The following STPG1 variants were observed in gnomAD, a reference collection of about 807,000 sequenced individuals.
The protein encoded by STPG1 is O(6)-methylguanine-induced apoptosis 2.
Under a neutral mutation model 40.1 loss-of-function variants are expected in STPG1, and 33 were observed. That is an observed-to-expected ratio of 0.82 (90% CI 0.62 to 1.10). The LOEUF (loss-of-function observed/expected upper bound fraction) is 1.10. Ranked by LOEUF, STPG1 falls within the 50% of genes least tolerant of loss-of-function variation. STPG1 has a pLI of 0.00. For synonymous variants in STPG1, 150 were observed against 155.0 expected (o/e 0.97, Z 0.24); for missense variants, 396 against 415.1 (o/e 0.95, Z 0.40).
chr1:24,373,038 T>C (rs982482198), intron 6 of STPG1, among the ~76,000 whole-genome samples: 1 of 152,218 alleles, frequency 6.6e-6, no homozygotes, highest in Non-Finnish European at 1.5e-5. Context: ...AATGGAATGA[T>C]GGAGGACGTG....
intron 7 of STPG1, 59 bp downstream of exon 7, chr1:24,369,615 G>A (rs191031591): frequency 2.6e-6 from 4 of 1,530,594 alleles, no homozygotes; most frequent in Non-Finnish European, 2.7e-6. Context: ...TTTTCTCTAT[G>A]TTGGGCTTCT....
chr1:24,399,916 T>G lies in STPG1; in HGVS notation c.70+1403A>C, dbSNP rs1643153302. Among the ~76,000 whole-genome samples, 1 of 152,208 alleles carries G rather than the reference T, an allele frequency of 6.6e-6. No individual in the cohort carries two copies. Among genetic ancestry groups the G allele is most frequent in the Non-Finnish European group, 1.5e-5 (1 of 68,034 alleles). On this transcript the variant is annotated intron_variant, in intron 2 of 8. Transcript: ENST00000337248. The surrounding 1 kb of genome is among the most constrained non-coding windows in gnomAD (Gnocchi z 4.0). ...TGGAGCAGCTGGAATTCACATACAT[T>G]GCTTGTAAGGAGGTAAAATTGGCAC... is the stretch of plus-strand genomic sequence containing the variant.
At chr1:24,374,756 C>T (rs1342028678) in intron 5 of STPG1, among the ~76,000 whole-genome samples, 1 of 152,030 alleles carries the variant, frequency 6.6e-6, no homozygotes, top group Non-Finnish European at 1.5e-5. Context: ...TCCAGAATAG[C>T]AGGGACTTCA....
chr1:24,366,666 CCT>C (rs1045132366), intron 7 of STPG1, among the ~76,000 whole-genome samples: 4 of 152,152 alleles, frequency 2.6e-5, no homozygotes, highest in Non-Finnish European at 5.9e-5. Flanking sequence ...TTCGTTGTCC[CCT>C]GTGTGCTCTC....
Position 24,357,807 on chromosome 1 carries a change from G to A in STPG1, c.*736C>T, listed in dbSNP as rs1422069607. 2 of 267,998 alleles carry A rather than the reference G, an allele frequency of 7.5e-6. No individual in the cohort carries two copies. Among genetic ancestry groups the A allele is most frequent in the Non-Finnish European group, 1.5e-5 (2 of 135,752 alleles). The allele number at this position is 267,998 out of a possible 1,614,324, so 16.6% of individuals were successfully genotyped here. The stretch of plus-strand genomic sequence containing the variant: ...CTATCAGGCCTAGACAGGCCATGTG[G>A]ACTCCATGGAAGGGCCTGTAAGCCT... On this transcript the variant is annotated 3_prime_UTR_variant, in exon 9 of 9. Coordinates refer to ENST00000337248, the MANE Select transcript of STPG1 (RefSeq NM_001199013.2).
chr1:24,404,697 G>T (rs1643350674), intron 1 of STPG1, among the ~76,000 whole-genome samples: 1 of 152,006 alleles, frequency 6.6e-6, no homozygotes, highest in Non-Finnish European at 1.5e-5. Flanking sequence ...GAAACTTACG[G>T]GCATAAAGTC....
intron 6 of STPG1, among the ~76,000 whole-genome samples, chr1:24,373,303 T>A (rs1431651401): frequency 6.6e-6 from 1 of 152,190 alleles, no homozygotes. Context: ...AAAATGAACG[T>A]GGCAGCTCAG....
chr1:24,410,138 T>G (rs144214208), intron 1 of STPG1, among the ~76,000 whole-genome samples: 1 of 152,192 alleles, frequency 6.6e-6, no homozygotes, highest in East Asian at 1.9e-4. Context: ...GTGGAAGATA[T>G]GAACAGAAAC....
intron 4 of STPG1, among the ~76,000 whole-genome samples, chr1:24,382,115 T>C (rs548840031): frequency 2.6e-5 from 4 of 152,236 alleles, no homozygotes; most frequent in African/African-American, 9.6e-5. Context: ...AAGGCGTGGC[T>C]AGGTTCTGTA....
At chr1:24,390,737 G>A (rs1266649318) in intron 3 of STPG1, among the ~76,000 whole-genome samples, 3 of 130,756 alleles carry the variant, frequency 2.3e-5, no homozygotes, top group Non-Finnish European at 5.1e-5. Context: ...ATTGTTTAAG[G>A]AAGTTTTTTT....
intron 5 of STPG1, 154 bp downstream of exon 5, chr1:24,379,499 C>T: frequency 3.9e-6 from 3 of 773,944 alleles, no homozygotes; most frequent in Non-Finnish European, 6.3e-6. Flanking sequence ...CTGTAAGAGT[C>T]TTGTACAGCC....
Position 24,357,995 on chromosome 1 carries a change from T to A in STPG1, c.*548A>T. On this transcript the variant is annotated 3_prime_UTR_variant, in exon 9 of 9. Transcript: ENST00000337248. ...GGTGGTCACTTTAGAAAGGAAGCTG[T>A]GGACTGGTGGAAAAAGCATCACCTG... is the stretch of plus-strand genomic sequence containing the variant. The A allele has an allele frequency of 2.8e-6, 1 of 353,682 alleles. No homozygotes were observed. The highest frequency in any genetic ancestry group is 2.1e-5 in the African/African-American group (1 of 46,828). The allele number at this position is 353,682 out of a possible 1,614,324, so 21.9% of individuals were successfully genotyped here. A position where few individuals can be genotyped will look rare whatever the true frequency, so the allele number is the denominator to read the frequency against.
At chr1:24,376,755 C>T (rs575685383) in intron 5 of STPG1, among the ~76,000 whole-genome samples, 69 of 152,292 alleles carry the variant, frequency 4.5e-4, no homozygotes, top group African/African-American at 1.4e-3. Flanking sequence ...CACAGACAGT[C>T]GGTGCCTGTG....
chr1:24,391,954 G>A, intron 2 of STPG1: 1 of 1,129,696 alleles, frequency 8.9e-7, no homozygotes, highest in Non-Finnish European at 1.1e-6. Context: ...GAAAAGGAAG[G>A]AGATGATAGT....
chr1:24,402,550 C>T (rs928342029), intron 1 of STPG1, among the ~76,000 whole-genome samples: 8 of 151,812 alleles, frequency 5.3e-5, no homozygotes, highest in South Asian at 2.1e-4. Context: ...TTGCTTGAAG[C>T]GAGGAGTTTG....
chr1:24,390,361 C>G (rs1017327467), intron 3 of STPG1, among the ~76,000 whole-genome samples: 1 of 152,050 alleles, frequency 6.6e-6, no homozygotes, highest in African/African-American at 2.4e-5. Context: ...AGAGATGCGG[C>G]AAGATTTAGG....
Position 24,391,685 on chromosome 1 carries a change from C to A in STPG1, c.71-6G>T, listed in dbSNP as rs1490655059. On this transcript the variant is annotated splice_polypyrimidine_tract_variant and splice_region_variant and intron_variant, in intron 2 of 8. Transcript: ENST00000337248. Reference sequence around the variant, plus strand: ...TGGATATGCAGCAGTAAAACCTAAACAACAAAAATGGAGTAAAATCAAAAT... The same window carrying A: ...TGGATATGCAGCAGTAAAACCTAAAAAACAAAAATGGAGTAAAATCAAAAT... 6.6e-7 allele frequency: 1 copy of A among 1,516,458 alleles called. No homozygotes were observed. Among genetic ancestry groups the A allele is most frequent in the Non-Finnish European group, 8.9e-7 (1 of 1,120,866 alleles). The allele number at this position is 1,516,458 out of a possible 1,614,324, so 93.9% of individuals were successfully genotyped here.
chr1:24,385,597 CT>C (rs1470114313), intron 3 of STPG1, among the ~76,000 whole-genome samples: 1 of 152,214 alleles, frequency 6.6e-6, no homozygotes, highest in Non-Finnish European at 1.5e-5. Context: ...TATTAGCTCA[CT>C]TAATCTCCAT....
rs1032480665 is a variant in STPG1, at chr1:24,413,654, C to T, written c.-69+20G>A. The T allele has an allele frequency of 6.6e-6, 1 of 152,290 alleles. No homozygotes were observed. The highest frequency in any genetic ancestry group is 2.4e-5 in the African/African-American group (1 of 41,474). 9.4% of individuals were successfully genotyped at this position (152,290 alleles called of 1,614,324 possible). On this transcript the variant is annotated intron_variant, in intron 1 of 8. Transcript: ENST00000337248. Reference sequence around the variant, plus strand: ...CCCACGACCTCAGGGACCGGTCCCCCCGCCGGAACTGCTTCCTACCTGGTC... The same window carrying T: ...CCCACGACCTCAGGGACCGGTCCCCTCGCCGGAACTGCTTCCTACCTGGTC...
Sources: gnomAD v4.1 joint callset for allele counts (sites outside exome capture counted in the v4.1 genomes callset) on GRCh38, gnomAD v4.1.1 for gene constraint, Gnocchi (gnomAD v3.1) non-coding constraint, MANE v1.5 for transcripts, NCBI Gene and HGNC (gene_info 2026-07-23, HGNC 2026-07-21) for gene names.